Variants in GXYLT1 observed in about 807,000 individuals in gnomAD.
The protein encoded by GXYLT1 is glucoside xylosyltransferase 1, also known as glycosyltransferase 8 domain containing 3.
GXYLT1 carries 29 observed loss-of-function variants against 54.0 expected under a neutral mutation model. The ratio of observed to expected loss-of-function variants is 0.54; its 90% CI spans 0.40 to 0.73. The LOEUF (loss-of-function observed/expected upper bound fraction) is 0.73, where lower values mean the gene tolerates loss of function less well. Ranked by LOEUF, GXYLT1 falls within the 30% of genes least tolerant of loss-of-function variation. The pLI, the probability that GXYLT1 is intolerant of heterozygous loss-of-function variation, is 0.00. For synonymous variants in GXYLT1, 176 were observed against 204.1 expected (o/e 0.86, Z 1.17); for missense variants, 490 against 553.4 (o/e 0.89, Z 1.15).
rs80214739 is a variant in GXYLT1, at chr12:42,121,361, G to A, written c.315-2190C>T. On this transcript the variant is annotated intron_variant, in intron 2 of 7. Transcript: ENST00000398675. ...AACATTAGCCTCAAGGCCGGGCATGGTGGCTAACACCTGTAATTCCAGTAC... is the reference window on the plus strand; with the variant it reads ...AACATTAGCCTCAAGGCCGGGCATGATGGCTAACACCTGTAATTCCAGTAC... 9.0e-3 allele frequency among the ~76,000 whole-genome samples: 1,377 copies of A among 152,286 alleles called. 22 individuals carry two copies. Among genetic ancestry groups the A allele is most frequent in the African/African-American group, 0.03 (1,257 of 41,564 alleles).
intron 2 of GXYLT1, among the ~76,000 whole-genome samples, chr12:42,126,267 T>A (rs1467937125): frequency 6.6e-6 from 1 of 151,600 alleles, no homozygotes; most frequent in Non-Finnish European, 1.5e-5. Context: ...TGAGACGGGG[T>A]TTCACCATGT....
intron 2 of GXYLT1, among the ~76,000 whole-genome samples, chr12:42,120,063 C>T (rs904307909): frequency 1.3e-5 from 2 of 152,230 alleles, no homozygotes; most frequent in Admixed American, 1.3e-4. Context: ...CAGAGCTTAA[C>T]TCTCTCAAGG....
intron 2 of GXYLT1, among the ~76,000 whole-genome samples, chr12:42,127,765 T>G (rs2065571909): frequency 6.6e-6 from 1 of 152,256 alleles, no homozygotes; most frequent in Admixed American, 6.5e-5. Flanking sequence ...TTGTCAATAC[T>G]ATATTCATTT....
intron 2 of GXYLT1, among the ~76,000 whole-genome samples, chr12:42,122,813 T>C (rs1273363793): frequency 6.6e-6 from 1 of 152,170 alleles, no homozygotes; most frequent in Non-Finnish European, 1.5e-5. Flanking sequence ...TTCCCCCATA[T>C]ATTATAAAGG....
In GXYLT1 at chr12:42,109,647, GTA is replaced by G. The variant is rs1565571484; in HGVS notation, c.529_530del (p.Tyr177ProfsTer7). 6.4e-7 allele frequency: 1 copy of G among 1,569,516 alleles called. No individual in the cohort carries two copies. The highest frequency in any genetic ancestry group is 8.7e-7 in the Non-Finnish European group (1 of 1,150,884). The stretch of plus-strand genomic sequence containing the variant: ...CATTCTCACTTGGAAAGGTTATGGG[GTA>G]TAACGTATAATTAAATGTTTGTAGA... ...SFLQTFNYTL[Y>X]PITFPSENAA... On this transcript the variant is annotated frameshift_variant, in exon 4 of 8. Transcript: ENST00000398675. LOFTEE classifies it high-confidence loss of function.
chr12:42,094,823 G>T (rs1193055973), intron 7 of GXYLT1, among the ~76,000 whole-genome samples: 1 of 152,118 alleles, frequency 6.6e-6, no homozygotes, highest in Non-Finnish European at 1.5e-5. Flanking sequence ...CAATTAAAGG[G>T]AGGAGAGGGC....
chr12:42,142,690 G>T (rs1392683316), intron 1 of GXYLT1, among the ~76,000 whole-genome samples: 1 of 152,062 alleles, frequency 6.6e-6, no homozygotes, highest in Admixed American at 6.6e-5. Context: ...TGTTATAAAT[G>T]ACGATATACA....
chr12:42,141,098 T>C (rs2065649716), intron 1 of GXYLT1, among the ~76,000 whole-genome samples: 1 of 152,216 alleles, frequency 6.6e-6, no homozygotes, highest in Non-Finnish European at 1.5e-5. Flanking sequence ...TTATTCTGTC[T>C]GCCACAGGAA....
chr12:42,115,381 C>T (rs536132886), intron 3 of GXYLT1, among the ~76,000 whole-genome samples: 1 of 152,168 alleles, frequency 6.6e-6, no homozygotes, highest in Non-Finnish European at 1.5e-5. Flanking sequence ...TCTAGAAAAC[C>T]CCATCATTCA....
At chr12:42,131,731 T>C (rs1255524253) in intron 1 of GXYLT1, among the ~76,000 whole-genome samples, 1 of 152,226 alleles carries the variant, frequency 6.6e-6, no homozygotes, top group Non-Finnish European at 1.5e-5. Flanking sequence ...GGCATGGCTA[T>C]GTATTTTCTT....
intron 4 of GXYLT1, among the ~76,000 whole-genome samples, chr12:42,108,754 C>A (rs961565155): frequency 7.2e-5 from 11 of 152,094 alleles, no homozygotes; most frequent in African/African-American, 2.7e-4. Flanking sequence ...GCTAGGAATT[C>A]CCTTAATCCA....
chr12:42,144,331 G>A, intron 1 of GXYLT1, 95 bp downstream of exon 1: 4 of 751,578 alleles, frequency 5.3e-6, no homozygotes, highest in South Asian at 2.4e-5. Context: ...AGACGCGGGA[G>A]ACGCGGCACC....
intron 4 of GXYLT1, among the ~76,000 whole-genome samples, chr12:42,107,091 T>C (rs762204385): frequency 2.0e-5 from 3 of 152,170 alleles, no homozygotes; most frequent in Non-Finnish European, 4.4e-5. Flanking sequence ...CTTTAGGTTC[T>C]GACTCCTACA....
At position 42,087,251 on chromosome 12, in the gene GXYLT1, A is replaced by G. The variant is rs112151962; in HGVS notation, c.*535T>C. 1.7e-4 allele frequency: 25 copies of G among 148,272 alleles called. No homozygotes were observed. Among genetic ancestry groups the G allele is most frequent in the Admixed American group, 2.0e-4 (3 of 14,864 alleles). 9.2% of individuals were successfully genotyped at this position (148,272 alleles called of 1,614,324 possible). ...AATTTTAAACATGATTGTCATAAAA[A>G]TATTTTAAAACAGAGATGAAATGTA... On this transcript the variant is annotated 3_prime_UTR_variant, in exon 8 of 8. Transcript: ENST00000398675.
chr12:42,122,482 C>T (rs900020705), intron 2 of GXYLT1, among the ~76,000 whole-genome samples: 3 of 152,046 alleles, frequency 2.0e-5, no homozygotes, highest in South Asian at 2.1e-4. Context: ...CCCAGCTATT[C>T]GAGAGGCTGA....
chr12:42,099,671 G>A (rs2065378396), intron 5 of GXYLT1, among the ~76,000 whole-genome samples: 2 of 152,120 alleles, frequency 1.3e-5, no homozygotes, highest in Non-Finnish European at 2.9e-5. Flanking sequence ...TGGGCAACAT[G>A]GTGAAACCCT....
chr12:42,103,054 T>C (rs2065399203), intron 5 of GXYLT1, among the ~76,000 whole-genome samples: 1 of 152,030 alleles, frequency 6.6e-6, no homozygotes, highest in East Asian at 1.9e-4. Context: ...TCTGCCTCCC[T>C]GGTTCAAGCA....
At chr12:42,109,440 G>T in intron 4 of GXYLT1, 126 bp downstream of exon 4, 1 of 634,582 alleles carries the variant, frequency 1.6e-6, no homozygotes, top group Non-Finnish European at 2.3e-6. Flanking sequence ...TACATGCATT[G>T]ATTTCTATTT....
At position 42,087,068 on chromosome 12, in the gene GXYLT1, C is replaced by A. The variant is rs1168012357; in HGVS notation, c.*718G>T. The A allele has an allele frequency of 6.6e-6, 1 of 152,082 alleles. No individual in the cohort carries two copies. Among genetic ancestry groups the A allele is most frequent in the Non-Finnish European group, 1.5e-5 (1 of 67,990 alleles). The allele number at this position is 152,082 out of a possible 1,614,324, so 9.4% of individuals were successfully genotyped here. A position where few individuals can be genotyped will look rare whatever the true frequency, so the allele number is the denominator to read the frequency against. ...TAACAATCTTAGATCTGAGTTTTGG[C>A]AAGACAGTTTAATGCATACAAAATG... On this transcript the variant is annotated 3_prime_UTR_variant, in exon 8 of 8. Coordinates refer to ENST00000398675, the MANE Select transcript of GXYLT1 (RefSeq NM_173601.2).
Sources: gnomAD v4.1 joint callset for allele counts (sites outside exome capture counted in the v4.1 genomes callset) on GRCh38, gnomAD v4.1.1 for gene constraint, MANE v1.5 for transcripts, NCBI Gene and HGNC (gene_info 2026-07-23, HGNC 2026-07-21) for gene names.